TRIO: variants seen among roughly 807,000 people sequenced by gnomAD.
TRIO encodes triple functional domain protein.
Under a neutral mutation model 351.9 loss-of-function variants are expected in TRIO, and 58 were observed. That is an observed-to-expected ratio of 0.16 (90% CI 0.13 to 0.21). TRIO has a LOEUF of 0.21. TRIO is among the 10% of genes least tolerant of loss of function. The pLI, the probability that TRIO is intolerant of heterozygous loss-of-function variation, is 1.00. For missense variants in TRIO, 3,201 were observed against 4,027.8 expected (o/e 0.79, Z 5.56); for synonymous variants, 1,758 against 1,595.7 (o/e 1.10, Z -2.42).
Position 14,487,671 on chromosome 5 carries a change from A to G in TRIO, c.7043A>G (p.His2348Arg). The change falls in exon 48 of 57, where the codon CAC (histidine) becomes CGC (arginine). Residue 2348 changes from histidine (H) to arginine (R), a missense_variant. His to Arg is a conservative substitution (Grantham distance 29, BLOSUM62 0). Around this residue, in one of 19 missense-constraint regions of TRIO, gnomAD observed 1,089 missense variants for 954.9 expected, o/e 1.14. Coordinates refer to ENST00000344204, the MANE Select transcript of TRIO (RefSeq NM_007118.4). ...PSRIPQPVRH[H>R]PPVLVSSAAS... is the part of the protein sequence containing the mutation. ...CGGATCCCCCAGCCTGTCCGACACC[A>G]CCCCCCCGTGCTGGTCTCCTCTGCA... 2.9e-6 allele frequency: 4 copies of G among 1,366,976 alleles called. No individual in the cohort carries two copies. The highest frequency in any genetic ancestry group is 2.9e-6 in the Non-Finnish European group (3 of 1,048,740). The allele number at this position is 1,366,976 out of a possible 1,614,324, so 84.7% of individuals were successfully genotyped here. A position where few individuals can be genotyped will look rare whatever the true frequency, so the allele number is the denominator to read the frequency against.
chr5:14,180,413 A>G (rs1269918270), intron 1 of TRIO, among the ~76,000 whole-genome samples: 1 of 152,240 alleles, frequency 6.6e-6, no homozygotes, highest in Non-Finnish European at 1.5e-5. Context: ...AGCTGTTAGT[A>G]TTCTTAAATA....
chr5:14,251,969 TA>T (rs1554041668), intron 1 of TRIO, among the ~76,000 whole-genome samples: 124 of 137,516 alleles, frequency 9.0e-4, no homozygotes, highest in Middle Eastern at 3.8e-3. Flanking sequence ...AGAGGCAACT[TA>T]AAAAAAAAAA....
intron 1 of TRIO, among the ~76,000 whole-genome samples, chr5:14,145,569 G>GA (rs1370458629): frequency 1.3e-5 from 2 of 151,876 alleles, no homozygotes; most frequent in Non-Finnish European, 2.9e-5. Context: ...AGCAGAACTG[G>GA]GACGTATTCC....
chr5:14,488,390 G>A (rs2126641987), intron 48 of TRIO, 130 bp downstream of exon 48: 1 of 1,380,722 alleles, frequency 7.2e-7, no homozygotes, highest in South Asian at 1.5e-5. Flanking sequence ...GCCTCTACCT[G>A]GGACCAGGCT....
intron 15 of TRIO, among the ~76,000 whole-genome samples, chr5:14,365,398 A>C (rs948495270): frequency 1.3e-5 from 2 of 152,222 alleles, no homozygotes; most frequent in Non-Finnish European, 2.9e-5. Context: ...GAAAGCAAAC[A>C]GAAAGTAAGT....
Position 14,510,141 on chromosome 5 carries a change from T to A in TRIO, c.*1719T>A, listed in dbSNP as rs1757994057. ...AGAGACCTTACATGTTTACACAGTA[T>A]GATGTGATGTAAATATTTTATTTTG... On this transcript the variant is annotated 3_prime_UTR_variant, in exon 57 of 57. Transcript: ENST00000344204. The A allele has an allele frequency of 6.6e-6, 1 of 152,268 alleles. No individual in the cohort carries two copies. The highest frequency in any genetic ancestry group is 1.5e-5 in the Non-Finnish European group (1 of 68,048). The allele number at this position is 152,268 out of a possible 1,614,324, so 9.4% of individuals were successfully genotyped here.
intron 34 of TRIO, among the ~76,000 whole-genome samples, chr5:14,421,991 C>G (rs984128897): frequency 5.3e-5 from 8 of 152,222 alleles, no homozygotes; most frequent in African/African-American, 1.4e-4. Context: ...AGGGGTGCTG[C>G]CCCCACGACT....
At chr5:14,485,765 C>G (rs1036282035) in intron 47 of TRIO, among the ~76,000 whole-genome samples, 17 of 152,260 alleles carry the variant, frequency 1.1e-4, no homozygotes, top group African/African-American at 3.9e-4. Flanking sequence ...TTGGGCAGAT[C>G]ACCTGAGGTC....
chr5:14,334,966 C>T (rs1741258746), intron 10 of TRIO, among the ~76,000 whole-genome samples: 2 of 152,118 alleles, frequency 1.3e-5, no homozygotes, highest in Admixed American at 6.6e-5. Flanking sequence ...TGAGAGAAGC[C>T]CTGGAAAGCA....
chr5:14,409,465 T>A (rs1156764691), intron 33 of TRIO, among the ~76,000 whole-genome samples: 2 of 151,770 alleles, frequency 1.3e-5, no homozygotes, highest in Non-Finnish European at 2.9e-5. Flanking sequence ...ACTCTATCTG[T>A]GAAGATGATT....
intron 31 of TRIO, 111 bp downstream of exon 31, chr5:14,401,175 G>A: frequency 1.1e-6 from 1 of 902,856 alleles, no homozygotes; most frequent in East Asian, 2.7e-5. Context: ...TTGTTTGTGT[G>A]TGTGTGTTCT....
At chr5:14,450,020 G>A (rs1413857119) in intron 34 of TRIO, among the ~76,000 whole-genome samples, 1 of 152,224 alleles carries the variant, frequency 6.6e-6, no homozygotes, top group Non-Finnish European at 1.5e-5. Flanking sequence ...GATGCTCAAA[G>A]TCTTGCATTT....
chr5:14,424,941 C>G (rs1750515013), intron 34 of TRIO, among the ~76,000 whole-genome samples: 1 of 152,308 alleles, frequency 6.6e-6, no homozygotes, highest in East Asian at 1.9e-4. Flanking sequence ...GTCTTAGCAA[C>G]TTTTTCAAAT....
At chr5:14,254,117 A>G (rs542257432) in intron 1 of TRIO, among the ~76,000 whole-genome samples, 203 of 152,312 alleles carry the variant, frequency 1.3e-3, no homozygotes, top group African/African-American at 4.6e-3. Flanking sequence ...AGGTGGACAG[A>G]ATAGTAAAGT....
intron 36 of TRIO, 108 bp downstream of exon 36, chr5:14,463,033 T>C: frequency 3.7e-6 from 5 of 1,368,804 alleles, no homozygotes; most frequent in Non-Finnish European, 4.8e-6. Context: ...GGCCCCAAGA[T>C]GTGGAAAAGG....
At chr5:14,253,067 A>G (rs967432510) in intron 1 of TRIO, among the ~76,000 whole-genome samples, 2 of 152,154 alleles carry the variant, frequency 1.3e-5, no homozygotes, top group Non-Finnish European at 2.9e-5. Context: ...GATGCAAGTG[A>G]CTCTGATCAT....
chr5:14,297,737 C>A (rs146310471), intron 7 of TRIO, among the ~76,000 whole-genome samples: 8 of 152,124 alleles, frequency 5.3e-5, no homozygotes, highest in Non-Finnish European at 1.2e-4. Context: ...TCACAAACTG[C>A]GAAGTTCTAA....
chr5:14,316,065 G>T (rs1739357395), intron 8 of TRIO, among the ~76,000 whole-genome samples: 2 of 152,188 alleles, frequency 1.3e-5, no homozygotes, highest in South Asian at 4.1e-4. Context: ...GAACAATTTT[G>T]TTCCATTGTG....
chr5:14,391,253 T>G (rs1438905907), intron 27 of TRIO, among the ~76,000 whole-genome samples: 2 of 152,254 alleles, frequency 1.3e-5, no homozygotes, highest in African/African-American at 4.8e-5. Flanking sequence ...TGTGTGTATA[T>G]GTTATTATTT....
Sources: allele counts gnomAD v4.1 joint callset (sites outside exome capture counted in the v4.1 genomes callset), GRCh38; gene constraint gnomAD v4.1.1; regional missense constraint gnomAD v4.1.1; transcripts MANE v1.5; gene names NCBI Gene and HGNC (gene_info 2026-07-23, HGNC 2026-07-21).